Variants in SLX9 observed in about 807,000 individuals in gnomAD.
SLX9 encodes the protein ribosome biogenesis protein SLX9 homolog.
In SLX9, 19 loss-of-function variants were observed where a neutral mutation model predicts 20.8. The ratio of observed to expected loss-of-function variants is 0.91; its 90% CI spans 0.64 to 1.34. The LOEUF (loss-of-function observed/expected upper bound fraction) is 1.34. Ranked by LOEUF, SLX9 falls within the 40% of genes most tolerant of loss-of-function variation. SLX9 has a pLI of 0.00. For missense variants in SLX9, 299 were observed against 322.2 expected (o/e 0.93, Z 0.55); for synonymous variants, 113 against 137.1 (o/e 0.82, Z 1.23).
intron 3 of SLX9, among the ~76,000 whole-genome samples, chr21:44,964,589 C>T (rs904126832): frequency 1.1e-4 from 16 of 150,380 alleles, no homozygotes; most frequent in South Asian, 4.3e-4. Context: ...CCAGCCGTGC[C>T]GTGGACAGTG....
At chr21:44,952,725 G>A (rs1053709569) in intron 2 of SLX9, among the ~76,000 whole-genome samples, 1 of 152,178 alleles carries the variant, frequency 6.6e-6, no homozygotes, top group African/African-American at 2.4e-5. Context: ...CATGTGCTCC[G>A]GGCGCCCCCC....
chr21:44,955,074 G>T (rs1302868352), intron 2 of SLX9, among the ~76,000 whole-genome samples: 1 of 152,018 alleles, frequency 6.6e-6, no homozygotes, highest in Non-Finnish European at 1.5e-5. Flanking sequence ...AAATTAGCTG[G>T]GTGTGGTGGT....
chr21:44,941,683 C>T (rs1345660223), intron 1 of SLX9, among the ~76,000 whole-genome samples: 1 of 152,220 alleles, frequency 6.6e-6, no homozygotes, highest in Non-Finnish European at 1.5e-5. Context: ...TACAGAGTCC[C>T]TCTGCTCACT....
At chr21:44,956,287 G>T (rs1277845476) in intron 2 of SLX9, among the ~76,000 whole-genome samples, 9 of 152,150 alleles carry the variant, frequency 5.9e-5, no homozygotes, top group Non-Finnish European at 1.3e-4. Flanking sequence ...TGTGTCTTTT[G>T]TGGCCCCTTT....
chr21:44,956,006 C>T (rs538080632), intron 2 of SLX9, among the ~76,000 whole-genome samples: 3 of 152,230 alleles, frequency 2.0e-5, no homozygotes, highest in African/African-American at 7.2e-5. Flanking sequence ...TCTGCTGATG[C>T]GGACGCCAGC....
chr21:44,939,873 C>A, upstream of SLX9: 1 of 580,632 alleles, frequency 1.7e-6, no homozygotes, highest in Non-Finnish European at 2.9e-6. Flanking sequence ...CTCCCAGGTG[C>A]GTCGGTGAAA....
intron 3 of SLX9, among the ~76,000 whole-genome samples, chr21:44,961,526 G>A (rs1214784811): frequency 6.6e-6 from 1 of 152,238 alleles, no homozygotes; most frequent in Non-Finnish European, 1.5e-5. Context: ...GTTTGAGGCT[G>A]CAGTGAACCG....
At chr21:44,959,982 C>A in intron 2 of SLX9, 118 bp from the exon 3 acceptor site, 2 of 874,600 alleles carry the variant, frequency 2.3e-6, no homozygotes, top group Non-Finnish European at 3.8e-6. Flanking sequence ...CTGGCACAGG[C>A]CAGACCAGTT....
chr21:44,974,439 T>G (rs1249236310), intron 5 of SLX9, among the ~76,000 whole-genome samples: 1 of 152,252 alleles, frequency 6.6e-6, no homozygotes, highest in Non-Finnish European at 1.5e-5. Context: ...ATGCACTTAC[T>G]GGATCTCTCT....
intron 2 of SLX9, among the ~76,000 whole-genome samples, chr21:44,957,148 C>T (rs1042034028): frequency 6.6e-6 from 1 of 152,206 alleles, no homozygotes; most frequent in East Asian, 1.9e-4. Flanking sequence ...TTTGCCGGGC[C>T]GGCCGGCGTT....
At chr21:44,964,342 G>T (rs1286913765) in intron 3 of SLX9, among the ~76,000 whole-genome samples, 3 of 152,040 alleles carry the variant, frequency 2.0e-5, no homozygotes, top group African/African-American at 7.3e-5. Context: ...CCCTCAATTT[G>T]CTTTTTTTCC....
chr21:44,948,166 T>C (rs1456406918), intron 2 of SLX9, among the ~76,000 whole-genome samples: 1 of 151,804 alleles, frequency 6.6e-6, no homozygotes, highest in Non-Finnish European at 1.5e-5. Context: ...TCATGCAGCA[T>C]CGGGCGATCG....
At chr21:44,960,218 C>G (rs544025978) in intron 3 of SLX9, 50 bp downstream of exon 3, 3 of 1,550,938 alleles carry the variant, frequency 1.9e-6, no homozygotes, top group Non-Finnish European at 2.7e-6. Context: ...AGTCCCATCC[C>G]GTGGGCCCTC....
chr21:44,958,824 G>A (rs2084904900), intron 2 of SLX9, among the ~76,000 whole-genome samples: 1 of 152,204 alleles, frequency 6.6e-6, no homozygotes, highest in South Asian at 2.1e-4. Flanking sequence ...AATGGGGCTG[G>A]GGAGCTCCCT....
At chr21:44,974,067 T>C (rs2085214785) in intron 5 of SLX9, among the ~76,000 whole-genome samples, 1 of 152,238 alleles carries the variant, frequency 6.6e-6, no homozygotes, top group East Asian at 1.9e-4. Context: ...AGTTGTCCTC[T>C]TGGGTACAAA....
intron 2 of SLX9, among the ~76,000 whole-genome samples, chr21:44,957,575 G>A (rs1200632902): frequency 6.6e-6 from 1 of 152,250 alleles, no homozygotes; most frequent in Non-Finnish European, 1.5e-5. Context: ...GATCGCAGGA[G>A]CCACCTCATG....
Position 44,940,030 on chromosome 21 carries a change from C to T in SLX9, c.-28C>T, listed in dbSNP as rs1442742304. On this transcript the variant is annotated 5_prime_UTR_variant, in exon 1 of 6. Coordinates refer to ENST00000291634, the MANE Select transcript of SLX9 (RefSeq NM_058190.4). ...CAGGACCAGCTTCCGGGAGGCGCTC[C>T]GCACGTTTGCCGTGCTCCGCCGGGA... The T allele has an allele frequency of 1.4e-6, 2 of 1,403,496 alleles. No individual in the cohort carries two copies. The highest frequency in any genetic ancestry group is 1.9e-6 in the Non-Finnish European group (2 of 1,079,692). The allele number at this position is 1,403,496 out of a possible 1,614,324, so 86.9% of individuals were successfully genotyped here.
chr21:44,960,017 T>C, intron 2 of SLX9, 83 bp from the exon 3 acceptor site: 5 of 1,258,126 alleles, frequency 4.0e-6, no homozygotes, highest in Non-Finnish European at 5.8e-6. Context: ...AGCTCTGCAG[T>C]CAGGACCCGC....
chr21:44,940,562 T>A (rs1400094947), intron 1 of SLX9, among the ~76,000 whole-genome samples: 1 of 152,170 alleles, frequency 6.6e-6, no homozygotes, highest in African/African-American at 2.4e-5. Flanking sequence ...CCCGTTCCCT[T>A]TAGCAGTCGG....
Sources: gnomAD v4.1 joint callset for allele counts (sites outside exome capture counted in the v4.1 genomes callset) on GRCh38, gnomAD v4.1.1 for gene constraint, MANE v1.5 for transcripts, NCBI Gene and HGNC (gene_info 2026-07-23, HGNC 2026-07-21) for gene names.